Variants in FMNL1 observed in about 807,000 individuals in gnomAD.
FMNL1 encodes the protein formin like 1.
FMNL1 carries 43 observed loss-of-function variants against 121.3 expected under a neutral mutation model. That is an observed-to-expected ratio of 0.35 (90% CI 0.28 to 0.46). The LOEUF (loss-of-function observed/expected upper bound fraction) is 0.46. Ranked by LOEUF, FMNL1 falls within the 20% of genes least tolerant of loss-of-function variation. FMNL1 has a pLI of 1.00. For missense variants in FMNL1, 1,191 were observed against 1,482.4 expected, an observed-to-expected ratio of 0.80 and a Z score of 3.23; for synonymous variants, 613 against 613.5, an observed-to-expected ratio of 1.00 and a Z score of 0.01.
chr17:45,241,981 C>A lies in FMNL1; in HGVS notation c.1720C>A (p.Pro574Thr). ...CCCGCCTCTCCCTGGCAGCCCGGAG[C>A]CCCCGCCTGCGCCGCCGCTGCCCGG... ...QAPPLPGSPE[P>T]PPAPPLPGDL... is the part of the protein sequence containing the mutation. The change falls in exon 15 of 27, where the codon CCC becomes ACC. Residue 574 changes from proline to threonine, a missense_variant. Pro to Thr is a conservative substitution (Grantham distance 38). Coordinates refer to ENST00000331495, the MANE Select transcript of FMNL1 (RefSeq NM_005892.4). This position sits in a 1 kb window ranked among gnomAD's most constrained non-coding sequence, Gnocchi z 7.0. The A allele has an allele frequency of 1.5e-6, 2 of 1,306,264 alleles. No individual in the cohort carries two copies. The highest frequency in any genetic ancestry group is 3.8e-5 in the Admixed American group (1 of 26,208). The allele number at this position is 1,306,264 out of a possible 1,614,324, so 80.9% of individuals were successfully genotyped here.
intron 12 of FMNL1, 30 bp downstream of exon 12, chr17:45,240,655 A>G: frequency 1.9e-6 from 3 of 1,604,556 alleles, no homozygotes; most frequent in Non-Finnish European, 2.6e-6. Context: ...CCAGCCCAGC[A>G]CATCATAGGC....
rs1234010496 is a variant in FMNL1, at chr17:45,231,118, G to A, written c.213+431G>A. Among the ~76,000 whole-genome samples the A allele has an allele frequency of 1.3e-5, 2 of 152,252 alleles. No homozygotes were observed. The highest frequency in any genetic ancestry group is 2.9e-5 in the Non-Finnish European group (2 of 68,034). ...CCTGCCCTTTTGCCTTGGGTCCAGAGGAGCTGCAGTTGACCAGCAACTCCC... is the reference window on the plus strand; with the variant it reads ...CCTGCCCTTTTGCCTTGGGTCCAGAAGAGCTGCAGTTGACCAGCAACTCCC... On this transcript the variant is annotated intron_variant, in intron 2 of 26. Transcript: ENST00000331495. The surrounding 1 kb of genome is among the most constrained non-coding windows in gnomAD (Gnocchi z 4.7).
intron 15 of FMNL1, 53 bp downstream of exon 15, chr17:45,242,199 G>A (rs2043720989): frequency 3.3e-6 from 5 of 1,533,256 alleles, no homozygotes; most frequent in African/African-American, 1.4e-5. Context: ...TGGAGGGAGG[G>A]GCCTGGGCCT....
Position 45,247,239 on chromosome 17 carries a change from C to G in FMNL1, c.*381C>G. Reference sequence around the variant, plus strand: ...CCTGGCCTGTAACTTATAAAGTGCACCTCGCCCCCGCAAGCCCCAGCCCCG... The same window carrying G: ...CCTGGCCTGTAACTTATAAAGTGCAGCTCGCCCCCGCAAGCCCCAGCCCCG... On this transcript the variant is annotated 3_prime_UTR_variant, in exon 27 of 27. Transcript: ENST00000331495. The G allele has an allele frequency of 2.2e-6, 1 of 461,142 alleles. No individual in the cohort carries two copies. Among genetic ancestry groups the G allele is most frequent in the Non-Finnish European group, 3.9e-6 (1 of 257,758 alleles). 28.6% of individuals were successfully genotyped at this position (461,142 alleles called of 1,614,324 possible).
chr17:45,239,088 G>C, intron 11 of FMNL1, 23 bp downstream of exon 11: 1 of 1,588,804 alleles, frequency 6.3e-7, no homozygotes, highest in Non-Finnish European at 8.6e-7. Flanking sequence ...CTGCCCCCCA[G>C]ACTGAACTGC....
rs2043832313 is a variant in FMNL1, at chr17:45,246,300, C to T, written c.3181C>T (p.Arg1061Cys). The T allele has an allele frequency of 1.2e-6, 2 of 1,613,868 alleles. No homozygotes were observed. The highest frequency in any genetic ancestry group is 8.5e-7 in the Non-Finnish European group (1 of 1,179,970). The change falls in exon 25 of 27, where the codon CGT becomes TGT. Residue 1061 changes from arginine (R) to cysteine (C), a missense_variant. Arg to Cys is a radical substitution (Grantham distance 180). Transcript: ENST00000331495. Reference sequence around the variant, plus strand: ...GGAGCCACTCATTTATGAGAGCGACCGTGATGGGGCCATTGAAGACATCAT... The same window carrying T: ...GGAGCCACTCATTTATGAGAGCGACTGTGATGGGGCCATTGAAGACATCAT... ...QKEPLIYESD[R>C]DGAIEDIITV...
chr17:45,234,016 CCT>C, intron 5 of FMNL1, 54 bp from the exon 6 acceptor site: 1 of 1,597,106 alleles, frequency 6.3e-7, no homozygotes, highest in Non-Finnish European at 8.5e-7. Context: ...TCCTCTGCCC[CCT>C]CTTAAGTGGC....
chr17:45,230,828 G>A, intron 2 of FMNL1, 141 bp downstream of exon 2: 2 of 843,198 alleles, frequency 2.4e-6, no homozygotes. Context: ...GTAGCACCTG[G>A]GGAGGGTGCT....
Position 45,233,013 on chromosome 17 carries a change from AC to A in FMNL1, c.328-208del, listed in dbSNP as rs1477923141. ...GTGCCCATGTATCGGGGGTGTGTGT[AC>A]CCTGCTTGTCTATGTATGGGGGAGC... On this transcript the variant is annotated intron_variant, in intron 3 of 26. Transcript: ENST00000331495. This position sits in a 1 kb window ranked among gnomAD's most constrained non-coding sequence, Gnocchi z 4.1. 1.5e-6 allele frequency: 1 copy of A among 665,104 alleles called. No individual in the cohort carries two copies. The highest frequency in any genetic ancestry group is 1.5e-5 in the South Asian group (1 of 66,380). 41.2% of individuals were successfully genotyped at this position (665,104 alleles called of 1,614,324 possible).
intron 1 of FMNL1, among the ~76,000 whole-genome samples, chr17:45,227,003 A>G (rs2043341883): frequency 6.6e-6 from 1 of 152,036 alleles, no homozygotes; most frequent in Admixed American, 6.5e-5. Flanking sequence ...GTGTTTGGAT[A>G]TGTGCCGAGA....
chr17:45,225,280 C>A (rs894882559), intron 1 of FMNL1, among the ~76,000 whole-genome samples: 4 of 152,190 alleles, frequency 2.6e-5, no homozygotes, highest in African/African-American at 9.6e-5. Flanking sequence ...GTCCTGCTTG[C>A]AGCTGGGGCC....
At chr17:45,238,469 T>C (rs1567965544) in intron 9 of FMNL1, 95 bp from the exon 10 acceptor site, 1 of 1,288,680 alleles carries the variant, frequency 7.8e-7, no homozygotes. Context: ...TAGAATTAAC[T>C]GGAGAGGAGC....
At chr17:45,244,355 G>T (rs1049810060) in intron 19 of FMNL1, 111 bp downstream of exon 19, 174 of 1,315,336 alleles carry the variant, frequency 1.3e-4, no homozygotes, top group Non-Finnish European at 1.7e-4. Context: ...CACTTCTCAT[G>T]TACATGCTGA....
In FMNL1 at chr17:45,238,637, T is replaced by C. The variant is rs753082691; in HGVS notation, c.968T>C (p.Met323Thr). ...FRNEDSNIDF[M>T]VACMQFINIV... ...AATGAGGACAGCAACATCGACTTCA[T>C]GGTGAGCTCAGGAGCCCAGCAGCCT... Residue 323 changes from methionine to threonine, a missense_variant and splice_region_variant, in exon 10 of 27, where the codon ATG (methionine) becomes ACG (threonine). Coordinates refer to ENST00000331495, the MANE Select transcript of FMNL1 (RefSeq NM_005892.4). 1 of 1,614,136 alleles carries C rather than the reference T, an allele frequency of 6.2e-7. No individual in the cohort carries two copies. Among genetic ancestry groups the C allele is most frequent in the African/African-American group, 1.3e-5 (1 of 75,060 alleles).
rs767490114 is a variant in FMNL1 at position 45,222,214 on chromosome 17, C to G, written c.90C>G (p.Pro30=). 1 of 1,256,990 alleles carries G rather than the reference C, an allele frequency of 8.0e-7. No homozygotes were observed. Among genetic ancestry groups the G allele is most frequent in the Admixed American group, 3.7e-5 (1 of 26,724 alleles). The allele number at this position is 1,256,990 out of a possible 1,614,324, so 77.9% of individuals were successfully genotyped here. The part of the protein sequence containing the change: ...KQPAPPKQPM[P]AAGELEERFN... ...CCGCGCCTCCCAAGCAGCCGATGCC[C>G]GCGGCCGGAGAGCTGGAGGAGAGGT... is the stretch of plus-strand genomic sequence containing the variant. The change falls in exon 1 of 27, where the codon CCC becomes CCG. Residue 30 remains proline (P), a synonymous_variant. Transcript: ENST00000331495.
At chr17:45,230,352 G>T (rs4792892) in intron 1 of FMNL1, among the ~76,000 whole-genome samples, 39,799 of 152,050 alleles carry the variant, frequency 0.26, 6,650 homozygotes, top group African/African-American at 0.45. Flanking sequence ...CGGTGTGGGG[G>T]GTGACACAGC....
intron 6 of FMNL1, chr17:45,234,840 C>G (rs1463066671): frequency 6.5e-6 from 1 of 154,598 alleles, no homozygotes; most frequent in African/African-American, 2.4e-5. Flanking sequence ...AGGTGTCCCC[C>G]TTCTCCCCGG....
chr17:45,240,115 G>A (rs2143514315), intron 11 of FMNL1, among the ~76,000 whole-genome samples: 1 of 152,298 alleles, frequency 6.6e-6, no homozygotes, highest in Admixed American at 6.5e-5. Flanking sequence ...TATATGAAAT[G>A]TCCAGAATGG....
rs757622766 is a variant in FMNL1, at chr17:45,243,819, T to C, written c.2242T>C (p.Phe748Leu). Reference sequence around the variant, plus strand: ...CGACCTGCAGGCTCTGGGCCTGGACTTCCTGGAGCTGCTGATGCGCTTCCT... The same window carrying C: ...CGACCTGCAGGCTCTGGGCCTGGACCTCCTGGAGCTGCTGATGCGCTTCCT... ...AYDLQALGLD[F>L]LELLMRFLPT... is the part of the protein sequence containing the mutation. Residue 748 changes from phenylalanine (F) to leucine (L), a missense_variant, in exon 18 of 27, where the codon TTC becomes CTC. Around this residue, in one of 4 missense-constraint regions of FMNL1, gnomAD observed 367 missense variants for 528.6 expected, o/e 0.69. Coordinates refer to ENST00000331495, the MANE Select transcript of FMNL1 (RefSeq NM_005892.4). 3.8e-5 allele frequency: 62 copies of C among 1,612,550 alleles called. No individual in the cohort carries two copies. Among genetic ancestry groups the C allele is most frequent in the Non-Finnish European group, 5.1e-5 (60 of 1,179,050 alleles).
Sources: gnomAD v4.1 joint callset for allele counts (sites outside exome capture counted in the v4.1 genomes callset) on GRCh38, gnomAD v4.1.1 for gene constraint, gnomAD v4.1.1 regional missense constraint, Gnocchi (gnomAD v3.1) non-coding constraint, MANE v1.5 for transcripts, NCBI Gene and HGNC (gene_info 2026-07-23, HGNC 2026-07-21) for gene names.